The following FBXO16 variants were observed in gnomAD, a reference collection of about 807,000 sequenced individuals.
FBXO16 encodes the protein F-box protein 16, also known as F-box only protein 16.
Under a neutral mutation model 41.0 loss-of-function variants are expected in FBXO16, and 31 were observed. That is an observed-to-expected ratio of 0.76 (90% CI 0.57 to 1.02). The LOEUF is 1.02. FBXO16 is among the 50% of genes least tolerant of loss of function. FBXO16 has a pLI of 0.00. For synonymous variants in FBXO16, 133 were observed against 117.8 expected (o/e 1.13, Z -0.84); for missense variants, 361 against 346.2 (o/e 1.04, Z -0.34).
intron 6 of FBXO16, among the ~76,000 whole-genome samples, chr8:28,448,257 C>T (rs1378308017): frequency 4.0e-5 from 6 of 149,006 alleles, no homozygotes; most frequent in African/African-American, 1.5e-4. Flanking sequence ...GGGAGGATCG[C>T]TTGAGCCCTG....
intron 2 of FBXO16, among the ~76,000 whole-genome samples, chr8:28,474,994 G>A (rs570064906): frequency 6.6e-6 from 1 of 152,330 alleles, no homozygotes; most frequent in East Asian, 1.9e-4. Context: ...GTTATTAAGA[G>A]AGGAAGAGAG....
intron 5 of FBXO16, among the ~76,000 whole-genome samples, chr8:28,454,771 G>T (rs547130903): frequency 2.3e-4 from 33 of 141,846 alleles, no homozygotes; most frequent in Non-Finnish European, 3.9e-4. Flanking sequence ...ATTCTATATA[G>T]TACAAAATGC....
intron 2 of FBXO16, among the ~76,000 whole-genome samples, 157 bp downstream of exon 2, chr8:28,483,190 TG>T (rs1383863730): frequency 1.3e-5 from 2 of 152,208 alleles, no homozygotes; most frequent in Non-Finnish European, 2.9e-5. Flanking sequence ...CCATATAGCA[TG>T]GGTTCAATAA....
chr8:28,477,954 A>G (rs1803449650), intron 2 of FBXO16, among the ~76,000 whole-genome samples: 2 of 152,176 alleles, frequency 1.3e-5, no homozygotes, highest in Non-Finnish European at 2.9e-5. Flanking sequence ...TGGAGGCTGC[A>G]GTGAGCCGTG....
At position 28,462,277 on chromosome 8, in the gene FBXO16, C is replaced by CT. The variant is rs377494554; in HGVS notation, c.342+1334dup. On this transcript the variant is annotated intron_variant, in intron 4 of 8. Coordinates refer to ENST00000380254, the MANE Select transcript of FBXO16 (RefSeq NM_172366.4). ...CTGCATTCATTTTCTTCTTCTTCTT[C>CT]TTTTTTTTTTTTTTTTTCTGAGACG... 1.4e-3 allele frequency among the ~76,000 whole-genome samples: 191 copies of CT among 133,534 alleles called. 1 individual carries two copies. The highest frequency in any genetic ancestry group is 1.6e-3 in the Non-Finnish European group (100 of 63,336). 87.6% of individuals were successfully genotyped at this position (133,534 alleles called of 152,430 possible).
intron 5 of FBXO16, among the ~76,000 whole-genome samples, chr8:28,453,828 ATCTT>A (rs1380837875): frequency 6.6e-6 from 1 of 151,946 alleles, no homozygotes; most frequent in East Asian, 1.9e-4. Context: ...CAGGGTTGGG[ATCTT>A]TCTATGTTTA....
intron 3 of FBXO16, among the ~76,000 whole-genome samples, chr8:28,466,365 G>A (rs1450076301): frequency 6.6e-6 from 1 of 152,164 alleles, no homozygotes; most frequent in East Asian, 1.9e-4. Flanking sequence ...CAGTGGGGAG[G>A]AGGAGGACCC....
At chr8:28,455,397 C>A (rs990452992) in intron 5 of FBXO16, among the ~76,000 whole-genome samples, 8 of 152,034 alleles carry the variant, frequency 5.3e-5, no homozygotes, top group African/African-American at 1.4e-4. Context: ...CTACTGCACC[C>A]AGCTAATTTT....
chr8:28,476,456 A>G (rs1403325378), intron 2 of FBXO16, among the ~76,000 whole-genome samples: 2 of 152,256 alleles, frequency 1.3e-5, no homozygotes, highest in Non-Finnish European at 2.9e-5. Flanking sequence ...AGTTGGACTT[A>G]TAGTCTTATA....
At chr8:28,488,293 C>CTTTTT (rs10708340) in intron 1 of FBXO16, among the ~76,000 whole-genome samples, 22 of 96,220 alleles carry the variant, frequency 2.3e-4, no homozygotes, top group African/African-American at 4.0e-4. Context: ...TCTTCTAAGC[C>CTTTTT]TTTTTTTTTT....
intron 4 of FBXO16, among the ~76,000 whole-genome samples, chr8:28,462,557 C>T (rs940437745): frequency 2.6e-5 from 4 of 152,094 alleles, no homozygotes; most frequent in Non-Finnish European, 5.9e-5. Context: ...GGATTACAGG[C>T]GTGAGCCACC....
intron 4 of FBXO16, among the ~76,000 whole-genome samples, chr8:28,458,544 C>CTTTTTTTTTTT (rs34617439): frequency 1.3e-4 from 11 of 87,564 alleles, no homozygotes; most frequent in South Asian, 5.0e-4. Flanking sequence ...TCTTCTTCTT[C>CTTTTTTTTTTT]TTTTTTTTTT....
At chr8:28,455,450 T>C (rs1350332608) in intron 5 of FBXO16, among the ~76,000 whole-genome samples, 1 of 152,180 alleles carries the variant, frequency 6.6e-6, no homozygotes, top group Non-Finnish European at 1.5e-5. Context: ...TTATACGAGC[T>C]GGTCTCAAAC....
chr8:28,462,911 G>C (rs1803160554), intron 4 of FBXO16, among the ~76,000 whole-genome samples: 1 of 152,132 alleles, frequency 6.6e-6, no homozygotes, highest in Admixed American at 6.6e-5. Context: ...CTACAATTGA[G>C]GACCTTATTG....
chr8:28,446,033 G>A (rs1027580807), intron 7 of FBXO16, among the ~76,000 whole-genome samples: 1 of 152,068 alleles, frequency 6.6e-6, no homozygotes, highest in Admixed American at 6.6e-5. Context: ...TCGGAGCCAC[G>A]ATTTGGGAAA....
intron 4 of FBXO16, among the ~76,000 whole-genome samples, chr8:28,458,544 C>CTTCT (rs1803073472): frequency 2.3e-5 from 2 of 87,568 alleles, no homozygotes; most frequent in East Asian, 8.2e-4. Context: ...TCTTCTTCTT[C>CTTCT]TTTTTTTTTT....
intron 7 of FBXO16, among the ~76,000 whole-genome samples, chr8:28,444,481 C>CTTT (rs1206057786): frequency 4.7e-5 from 5 of 106,766 alleles, no homozygotes; most frequent in African/African-American, 1.4e-4. Flanking sequence ...TTTTTCTTTT[C>CTTT]TTTTTTTTTT....
At chr8:28,460,515 C>T (rs1389665750) in intron 4 of FBXO16, among the ~76,000 whole-genome samples, 1 of 147,902 alleles carries the variant, frequency 6.8e-6, no homozygotes, top group Non-Finnish European at 1.5e-5. Context: ...CCTCCAACTC[C>T]CAGATTCAAG....
intron 7 of FBXO16, among the ~76,000 whole-genome samples, chr8:28,445,935 A>G (rs948666586): frequency 6.6e-6 from 1 of 152,012 alleles, no homozygotes; most frequent in South Asian, 2.1e-4. Context: ...AATCCTTACT[A>G]CTATATATGA....
Sources: gnomAD v4.1 joint callset for allele counts (sites outside exome capture counted in the v4.1 genomes callset) on GRCh38, gnomAD v4.1.1 for gene constraint, MANE v1.5 for transcripts, NCBI Gene and HGNC (gene_info 2026-07-23, HGNC 2026-07-21) for gene names.